The following EYS variants were observed in gnomAD, a reference collection of about 807,000 sequenced individuals.
EYS encodes the protein protein eyes shut homolog.
In EYS, 250 loss-of-function variants were observed where a neutral mutation model predicts 282.1. The observed-to-expected ratio is 0.89, with a 90% CI of 0.80 to 0.98. The LOEUF (loss-of-function observed/expected upper bound fraction) is 0.98. Ranked by LOEUF, EYS falls within the 50% of genes least tolerant of loss-of-function variation. The probability of loss-of-function intolerance (pLI) is 0.00; values close to 1 mark genes in which losing one functional copy is unlikely to be tolerated. For missense variants in EYS, 4,016 were observed against 3,709.0 expected, an observed-to-expected ratio of 1.08 and a Z score of -2.15; for synonymous variants, 1,355 against 1,282.9, an observed-to-expected ratio of 1.06 and a Z score of -1.20.
At chr6:64,332,159 A>G (rs1184122248) in intron 29 of EYS, among the ~76,000 whole-genome samples, 1 of 152,208 alleles carries the variant, frequency 6.6e-6, no homozygotes, top group Non-Finnish European at 1.5e-5. Flanking sequence ...CAAGAAACTC[A>G]TCTAAGGTGA....
At chr6:64,163,780 T>C (rs1775182913) in intron 31 of EYS, among the ~76,000 whole-genome samples, 1 of 152,060 alleles carries the variant, frequency 6.6e-6, no homozygotes, top group Non-Finnish European at 1.5e-5. Context: ...AAATTTCAAG[T>C]GATATATGCA....
chr6:65,113,494 T>C (rs943506646), intron 12 of EYS, among the ~76,000 whole-genome samples: 1 of 152,062 alleles, frequency 6.6e-6, no homozygotes, highest in Non-Finnish European at 1.5e-5. Context: ...CGAGGTAGTA[T>C]GGATCCTTAA....
intron 26 of EYS, among the ~76,000 whole-genome samples, chr6:64,510,416 A>G (rs1777348759): frequency 6.6e-6 from 1 of 152,088 alleles, no homozygotes; most frequent in South Asian, 2.1e-4. Context: ...TGTTTCTTAT[A>G]TGATATATGC....
Position 64,489,766 on chromosome 6 carries a change from T to C in EYS, c.5645-50414A>G, listed in dbSNP as rs553658792. On this transcript the variant is annotated intron_variant, in intron 26 of 42. Transcript: ENST00000503581. ...ACGTACTTCATCAAAAGGCATAACA[T>C]GAACCATTTGTTTCCTCATTAAAAT... is the stretch of plus-strand genomic sequence containing the variant. Among the ~76,000 whole-genome samples, 5 of 150,826 alleles carry C rather than the reference T, an allele frequency of 3.3e-5. No individual in the cohort carries two copies. In the Admixed American group the frequency reaches 3.3e-4, roughly 10 times the overall value.
chr6:65,223,029 G>A (rs1766512302), intron 12 of EYS, among the ~76,000 whole-genome samples: 1 of 152,124 alleles, frequency 6.6e-6, no homozygotes, highest in Admixed American at 6.6e-5. Flanking sequence ...ATGATGGTAA[G>A]AATTCCAAAA....
At position 63,844,617 on chromosome 6, in the gene EYS, CT is replaced by C. The variant is rs982041274; in HGVS notation, c.7228+19568del. Among the ~76,000 whole-genome samples the C allele has an allele frequency of 7.2e-3, 1,058 of 146,214 alleles. 11 individuals carry two copies. The highest frequency in any genetic ancestry group is 0.024 in the African/African-American group (956 of 39,990). The stretch of plus-strand genomic sequence containing the variant: ...TTCTCTAATGATTAGTAATGTTGAG[CT>C]TTTTTTTTTTCATATTTTTGTTGGC... On this transcript the variant is annotated intron_variant, in intron 36 of 42. Coordinates refer to ENST00000503581, the MANE Select transcript of EYS (RefSeq NM_001142800.2).
intron 12 of EYS, among the ~76,000 whole-genome samples, chr6:65,248,463 C>T (rs1767237305): frequency 6.6e-6 from 1 of 151,850 alleles, no homozygotes; most frequent in Non-Finnish European, 1.5e-5. Context: ...TCATATTTTC[C>T]CCACAGTGAA....
At chr6:65,461,637 G>C (rs1053180337) in intron 5 of EYS, among the ~76,000 whole-genome samples, 1 of 150,566 alleles carries the variant, frequency 6.6e-6, no homozygotes, top group Non-Finnish European at 1.5e-5. Context: ...CTTTTTCCTT[G>C]ATCAGCCCTG....
At chr6:64,169,655 G>A (rs1484139656) in intron 31 of EYS, among the ~76,000 whole-genome samples, 1 of 152,052 alleles carries the variant, frequency 6.6e-6, no homozygotes, top group Admixed American at 6.5e-5. Flanking sequence ...GCAAAAGCCA[G>A]TAAGAGAAAT....
chr6:65,280,838 T>A (rs972399063), intron 12 of EYS, among the ~76,000 whole-genome samples: 1 of 144,850 alleles, frequency 6.9e-6, no homozygotes. Flanking sequence ...ACCAGCAAAG[T>A]GAAACCCCGT....
chr6:65,281,485 G>T (rs1768218391), intron 12 of EYS, among the ~76,000 whole-genome samples: 1 of 152,102 alleles, frequency 6.6e-6, no homozygotes, highest in East Asian at 1.9e-4. Context: ...TCCTGAGCTT[G>T]TGTGTTATGT....
chr6:64,945,591 G>A (rs1409184224), intron 15 of EYS, among the ~76,000 whole-genome samples: 4 of 151,950 alleles, frequency 2.6e-5, no homozygotes, highest in Non-Finnish European at 5.9e-5. Flanking sequence ...GTTAAAATTT[G>A]TTTATACTTT....
chr6:64,296,699 T>C (rs924325478), intron 30 of EYS, among the ~76,000 whole-genome samples: 1 of 149,990 alleles, frequency 6.7e-6, no homozygotes, highest in Non-Finnish European at 1.5e-5. Flanking sequence ...CTCTGCCTCT[T>C]GGGTTCAAGC....
chr6:65,321,782 G>A (rs1769483322), intron 11 of EYS, among the ~76,000 whole-genome samples: 1 of 152,152 alleles, frequency 6.6e-6, no homozygotes, highest in Non-Finnish European at 1.5e-5. Context: ...GCTGGTAGGG[G>A]GCCTGGCCAT....
chr6:64,463,767 GATAGCAAA>G (rs1775832986), intron 26 of EYS, among the ~76,000 whole-genome samples: 1 of 152,136 alleles, frequency 6.6e-6, no homozygotes, highest in Non-Finnish European at 1.5e-5. Flanking sequence ...GATCATAAGA[GATAGCAAA>G]TAAGAAGATT....
Position 65,295,957 on chromosome 6 carries a change from A to G in EYS, c.1929T>C (p.Asp643=), listed in dbSNP as rs1412901872. 1.3e-5 allele frequency: 20 copies of G among 1,551,092 alleles called. No individual in the cohort carries two copies. The East Asian group carries it at 4.4e-4, about 34-fold the overall frequency. Reference sequence around the variant, plus strand: ...AGGACGCAGATTTGCAGTCTTCAGTATCTATCTCACAGATGTTCCTTTCAT... The same window carrying G: ...AGGACGCAGATTTGCAGTCTTCAGTGTCTATCTCACAGATGTTCCTTTCAT... ...QRYERNICEI[D]TEDCKSASCK... Residue 643 remains aspartate, a synonymous_variant, in exon 12 of 43, where the codon GAT becomes GAC. Transcript: ENST00000503581.
intron 33 of EYS, among the ~76,000 whole-genome samples, chr6:64,031,669 G>C (rs1032446084): frequency 3.9e-5 from 6 of 152,182 alleles, no homozygotes; most frequent in Non-Finnish European, 8.8e-5. Context: ...GTCTAGCTCA[G>C]GGTTTGTGAA....
chr6:64,943,073 T>A (rs1336170235), intron 15 of EYS, among the ~76,000 whole-genome samples: 1 of 152,082 alleles, frequency 6.6e-6, no homozygotes, highest in African/African-American at 2.4e-5. Context: ...AATCAATAAA[T>A]GTGATTCACT....
intron 5 of EYS, among the ~76,000 whole-genome samples, chr6:65,428,266 C>A (rs1767739829): frequency 6.6e-6 from 1 of 151,780 alleles, no homozygotes; most frequent in Non-Finnish European, 1.5e-5. Flanking sequence ...ACTCAAAGAT[C>A]TAGATTTATA....
Sources: gnomAD v4.1 joint callset for allele counts (sites outside exome capture counted in the v4.1 genomes callset) on GRCh38, gnomAD v4.1.1 for gene constraint, MANE v1.5 for transcripts, NCBI Gene and HGNC (gene_info 2026-07-23, HGNC 2026-07-21) for gene names.